Variants in YEATS2 observed in about 807,000 individuals in gnomAD.
The protein encoded by YEATS2 is YEATS domain-containing protein 2.
A neutral mutation model predicts 163.2 loss-of-function variants in YEATS2; 77 were observed. The ratio of observed to expected loss-of-function variants is 0.47; its 90% CI spans 0.39 to 0.57. The LOEUF is 0.57. Among genes scored for constraint, YEATS2 ranks in the 20% least tolerant of loss-of-function variants. The pLI is 0.00. For missense variants in YEATS2, 1,549 were observed against 1,729.8 expected (o/e 0.90, Z 1.85); for synonymous variants, 631 against 645.1 (o/e 0.98, Z 0.33).
At chr3:183,737,952 GTC>G (rs1718522743) in intron 8 of YEATS2, among the ~76,000 whole-genome samples, 2 of 151,934 alleles carry the variant, frequency 1.3e-5, no homozygotes, top group Admixed American at 6.6e-5. Context: ...GCTCATTTTT[GTC>G]TCTCTGTCAC....
Position 183,772,509 on chromosome 3 carries a change from A to T in YEATS2, c.2152A>T (p.Thr718Ser), listed in dbSNP as rs766178745. ...TGTTGCTCAGCCAGTGCAGACCTTA[A>T]CCAAGGCCCAGGTTACTGCCGCTGG... ...TIVAQPVQTL[T>S]KAQVTAAGPQ... The change falls in exon 16 of 31, where the codon ACC becomes TCC. Residue 718 changes from threonine (T) to serine (S), a missense_variant. By Grantham distance (58) the Thr-to-Ser change is moderately conservative. Transcript: ENST00000305135. The T allele has an allele frequency of 1.9e-6, 3 of 1,613,976 alleles. No individual in the cohort carries two copies. In the African/African-American group the frequency reaches 4.0e-5, roughly 22 times the overall value.
chr3:183,807,307 C>A (rs1726317339), intron 28 of YEATS2: 1 of 542,664 alleles, frequency 1.8e-6, no homozygotes, highest in Non-Finnish European at 3.3e-6. Flanking sequence ...AGCCCTTGGG[C>A]AGAAATGCTA....
At chr3:183,701,113 G>A (rs1371552491) in intron 1 of YEATS2, among the ~76,000 whole-genome samples, 3 of 146,818 alleles carry the variant, frequency 2.0e-5, no homozygotes, top group Non-Finnish European at 3.0e-5. Flanking sequence ...AAGGAGTCTC[G>A]CTCTGTCGCC....
intron 1 of YEATS2, among the ~76,000 whole-genome samples, chr3:183,701,883 T>C (rs1714130241): frequency 2.0e-5 from 3 of 152,050 alleles, no homozygotes; most frequent in African/African-American, 7.2e-5. Flanking sequence ...ACTTAACAGG[T>C]TCCCCACAGC....
chr3:183,761,085 G>T lies in YEATS2; in HGVS notation c.1657-422G>T, dbSNP rs192204459. Among the ~76,000 whole-genome samples the T allele has an allele frequency of 5.1e-3, 772 of 151,822 alleles. 3 individuals are homozygous for T. The highest frequency in any genetic ancestry group is 8.9e-3 in the Non-Finnish European group (604 of 67,872). On this transcript the variant is annotated intron_variant, in intron 13 of 30. Coordinates refer to ENST00000305135, the MANE Select transcript of YEATS2 (RefSeq NM_018023.5). ...CTTGGAAGACCCCAAGGAATTTTAG[G>T]TTTTTTTCTTTCTTTTTTTTTTACG...
rs1255276304 is a variant in YEATS2 at position 183,774,668 on chromosome 3, A to G, written c.2368+874A>G. Among the ~76,000 whole-genome samples, 3 of 152,318 alleles carry G rather than the reference A, an allele frequency of 2.0e-5. No individual in the cohort carries two copies. The East Asian group carries it at 5.8e-4, about 29-fold the overall frequency. On this transcript the variant is annotated intron_variant, in intron 17 of 30. Transcript: ENST00000305135. ...AGAAAAACCGTTTGGGCAGTGTTGAAAAGGATAGGATAAAAGGAAATTATT... is the reference window on the plus strand; with the variant it reads ...AGAAAAACCGTTTGGGCAGTGTTGAGAAGGATAGGATAAAAGGAAATTATT...
At chr3:183,747,803 G>C in intron 9 of YEATS2, 87 bp downstream of exon 9, 2 of 1,293,582 alleles carry the variant, frequency 1.5e-6, no homozygotes, top group Non-Finnish European at 1.1e-6. Context: ...TTTTGAGACG[G>C]GGTCTTCGCT....
At position 183,722,158 on chromosome 3, in the gene YEATS2, G is replaced by A. The variant is rs200725231; in HGVS notation, c.537+22G>A. ...AAGGGTATATAGATGGGTGGATGTG[G>A]GAGGGAGCCACAGGAGAAGGGAACT... On this transcript the variant is annotated intron_variant, in intron 5 of 30. Transcript: ENST00000305135. The A allele has an allele frequency of 6.1e-5, 97 of 1,602,236 alleles. No individual in the cohort carries two copies. The Middle Eastern group carries it at 2.0e-3, about 33-fold the overall frequency.
chr3:183,721,808 A>G (rs1716517267), intron 4 of YEATS2, 83 bp from the exon 5 acceptor site: 11 of 1,529,840 alleles, frequency 7.2e-6, no homozygotes, highest in East Asian at 2.3e-5. Flanking sequence ...CCTGTAATAG[A>G]TAAGGTTTTG....
At position 183,803,902 on chromosome 3, in the gene YEATS2, G is replaced by C. The variant is rs1577226751; in HGVS notation, c.3583-85G>C. The stretch of plus-strand genomic sequence containing the variant: ...AAAAAATTCTAACAGGTTAGGTTAG[G>C]ATGGTGATTTATGGTTGCATGATAC... On this transcript the variant is annotated intron_variant, in intron 26 of 30. Transcript: ENST00000305135. The C allele has an allele frequency of 1.0e-5, 15 of 1,436,014 alleles. No homozygotes were observed. In the East Asian group the frequency reaches 3.5e-4, roughly 33 times the overall value. The allele number at this position is 1,436,014 out of a possible 1,614,324, so 89.0% of individuals were successfully genotyped here.
intron 6 of YEATS2, among the ~76,000 whole-genome samples, chr3:183,727,121 A>G (rs996791378): frequency 6.6e-6 from 1 of 152,122 alleles, no homozygotes; most frequent in Non-Finnish European, 1.5e-5. Context: ...TTGTACCCTA[A>G]CAGTATATAT....
At chr3:183,747,238 C>T (rs528463313) in intron 8 of YEATS2, among the ~76,000 whole-genome samples, 1 of 152,052 alleles carries the variant, frequency 6.6e-6, no homozygotes, top group East Asian at 1.9e-4. Flanking sequence ...ATATGTATAG[C>T]CTGTCATTTA....
Position 183,811,283 on chromosome 3 carries a change from C to G in YEATS2, c.*700C>G, listed in dbSNP as rs1726771454. The stretch of plus-strand genomic sequence containing the variant: ...AGAGGTTTGATTATAACCAAGAAAA[C>G]TCACTATGCTAGGAATAGACTGTGT... On this transcript the variant is annotated 3_prime_UTR_variant, in exon 31 of 31. Coordinates refer to ENST00000305135, the MANE Select transcript of YEATS2 (RefSeq NM_018023.5). The G allele has an allele frequency of 6.6e-6, 1 of 152,658 alleles. No individual in the cohort carries two copies. The highest frequency in any genetic ancestry group is 2.4e-5 in the African/African-American group (1 of 41,452). 9.5% of individuals were successfully genotyped at this position (152,658 alleles called of 1,614,324 possible).
chr3:183,791,546 C>T (rs1010519837), intron 21 of YEATS2, among the ~76,000 whole-genome samples: 4 of 152,200 alleles, frequency 2.6e-5, no homozygotes. Context: ...CAGAACCCTA[C>T]TGGGTATTTT....
In YEATS2 at chr3:183,754,259, G is replaced by T; in HGVS notation, c.1284G>T (p.Gln428His). The T allele has an allele frequency of 1.2e-6, 2 of 1,614,122 alleles. No homozygotes were observed. The highest frequency in any genetic ancestry group is 1.7e-6 in the Non-Finnish European group (2 of 1,180,008). ...GTTCCCATGGCAATTCAGCTTTCCA[G>T]CCAATAGCATCAAGCTGCAAAATTG... ...TFCSHGNSAF[Q>H]PIASSCKIVP... The change falls in exon 11 of 31, where the codon CAG (glutamine) becomes CAT (histidine). Residue 428 changes from glutamine (Q) to histidine (H), a missense_variant. Physicochemically the swap from Gln to His is conservative, Grantham distance 24. Transcript: ENST00000305135.
At chr3:183,756,268 TA>T (rs1231684685) in intron 11 of YEATS2, among the ~76,000 whole-genome samples, 1 of 152,190 alleles carries the variant, frequency 6.6e-6, no homozygotes. Context: ...GATGGGACCA[TA>T]AAATCTGTTT....
In YEATS2 at chr3:183,812,313, A is replaced by G. The variant is rs1411051524; in HGVS notation, c.*1730A>G. On this transcript the variant is annotated 3_prime_UTR_variant, in exon 31 of 31. Coordinates refer to ENST00000305135, the MANE Select transcript of YEATS2 (RefSeq NM_018023.5). ...ATTCTCAGCAGGGCATAGGGCACGC[A>G]CTGGCTTAACAGTTTAGTATATAAG... is the stretch of plus-strand genomic sequence containing the variant. 1.3e-5 allele frequency: 2 copies of G among 152,242 alleles called. No homozygotes were observed. Among genetic ancestry groups the G allele is most frequent in the Non-Finnish European group, 2.9e-5 (2 of 68,050 alleles). 9.4% of individuals were successfully genotyped at this position (152,242 alleles called of 1,614,324 possible).
At chr3:183,791,356 C>T (rs1724614181) in intron 21 of YEATS2, among the ~76,000 whole-genome samples, 1 of 152,100 alleles carries the variant, frequency 6.6e-6, no homozygotes, top group African/African-American at 2.4e-5. Context: ...GGGTCTTAAG[C>T]AATATTTTGT....
chr3:183,711,220 C>G (rs1260969556), intron 1 of YEATS2, among the ~76,000 whole-genome samples: 1 of 152,016 alleles, frequency 6.6e-6, no homozygotes, highest in Non-Finnish European at 1.5e-5. Flanking sequence ...CCTGTAATCC[C>G]AGCACTTTGG....
Sources: gnomAD v4.1 joint callset for allele counts (sites outside exome capture counted in the v4.1 genomes callset) on GRCh38, gnomAD v4.1.1 for gene constraint, MANE v1.5 for transcripts, NCBI Gene and HGNC (gene_info 2026-07-23, HGNC 2026-07-21) for gene names.